Variants in TMEM132D observed in about 807,000 individuals in gnomAD.
The protein encoded by TMEM132D is mature OL transmembrane protein.
Under a neutral mutation model 62.3 loss-of-function variants are expected in TMEM132D, and 21 were observed. The observed-to-expected ratio is 0.34, with a 90% CI of 0.24 to 0.49. The LOEUF is 0.49. Ranked by LOEUF, TMEM132D falls within the 20% of genes least tolerant of loss-of-function variation. TMEM132D has a pLI of 0.99. For missense variants in TMEM132D, 1,346 were observed against 1,402.8 expected, an observed-to-expected ratio of 0.96 and a Z score of 0.65; for synonymous variants, 621 against 575.6, an observed-to-expected ratio of 1.08 and a Z score of -1.13.
chr12:129,192,618 G>A (rs1878436601), intron 5 of TMEM132D, among the ~76,000 whole-genome samples: 1 of 152,084 alleles, frequency 6.6e-6, no homozygotes, highest in Admixed American at 6.6e-5. Flanking sequence ...TTTTGCCATT[G>A]GTGTCTCTTC....
chr12:129,892,925 G>A (rs1874977485), intron 1 of TMEM132D, among the ~76,000 whole-genome samples: 1 of 152,092 alleles, frequency 6.6e-6, no homozygotes, highest in Admixed American at 6.5e-5. Flanking sequence ...CATCCAGGCT[G>A]GAGTGCTGTG....
chr12:129,084,544 C>A lies in TMEM132D; in HGVS notation c.1602G>T (p.Glu534Asp), dbSNP rs79067456. The A allele has an allele frequency of 6.5e-5, 105 of 1,612,708 alleles. No individual in the cohort carries two copies. In the East Asian group the frequency reaches 2.1e-3, roughly 32 times the overall value. ...LPLQIEVSDTELNQIKGWRVP... is the reference protein window; with the variant it reads ...LPLQIEVSDTDLNQIKGWRVP... ...CTCTCCAACCCTTGATCTGATTGAG[C>A]TCGGTGTCGGAGACCTCGATCTGCA... The change falls in exon 6 of 9, where the codon GAG (glutamate) becomes GAT (aspartate). Residue 534 changes from glutamate to aspartate, a missense_variant. Glu to Asp is a conservative substitution (Grantham distance 45). Coordinates refer to ENST00000422113, the MANE Select transcript of TMEM132D (RefSeq NM_133448.3).
chr12:129,659,067 A>AT (rs11383730), intron 2 of TMEM132D, among the ~76,000 whole-genome samples: 36,153 of 150,020 alleles, frequency 0.24, 4,656 homozygotes, highest in African/African-American at 0.33. Flanking sequence ...TACATGGCTA[A>AT]TTTTTTTTTT....
At chr12:129,817,730 G>A (rs939175549) in intron 1 of TMEM132D, among the ~76,000 whole-genome samples, 1 of 145,274 alleles carries the variant, frequency 6.9e-6, no homozygotes, top group African/African-American at 2.6e-5. Context: ...GGTGTGTGTG[G>A]TGTAAGGTGT....
intron 2 of TMEM132D, among the ~76,000 whole-genome samples, chr12:129,655,597 AGG>A (rs1271776071): frequency 1.3e-5 from 2 of 151,868 alleles, no homozygotes; most frequent in East Asian, 3.9e-4. Context: ...AGGGGAGTGC[AGG>A]GGACTCTGGG....
At chr12:129,367,711 C>T (rs1028622769) in intron 3 of TMEM132D, among the ~76,000 whole-genome samples, 5 of 152,050 alleles carry the variant, frequency 3.3e-5, no homozygotes, top group Non-Finnish European at 5.9e-5. Context: ...TGATGCCAGT[C>T]CCAGCCCTGG....
At chr12:129,094,398 A>C (rs1875031216) in intron 5 of TMEM132D, among the ~76,000 whole-genome samples, 1 of 152,264 alleles carries the variant, frequency 6.6e-6, no homozygotes. Context: ...TCTCAGAAGA[A>C]AACATTTATG....
chr12:129,608,838 C>T (rs188572802), intron 2 of TMEM132D, among the ~76,000 whole-genome samples: 127 of 152,290 alleles, frequency 8.3e-4, no homozygotes, highest in Admixed American at 3.3e-3. Context: ...AAAGTTCACT[C>T]GCACTCAAAT....
intron 5 of TMEM132D, among the ~76,000 whole-genome samples, chr12:129,140,243 C>CACAT (rs1555232286): frequency 6.6e-6 from 1 of 151,214 alleles, no homozygotes; most frequent in South Asian, 2.1e-4. Context: ...CACACACACA[C>CACAT]GGTAACTATG....
chr12:129,734,773 A>G (rs554431684), intron 1 of TMEM132D, among the ~76,000 whole-genome samples: 1 of 152,326 alleles, frequency 6.6e-6, no homozygotes, highest in Non-Finnish European at 1.5e-5. Context: ...AAAGTATTGG[A>G]GAAGGTGGTT....
At chr12:129,235,101 G>T (rs1879743517) in intron 4 of TMEM132D, among the ~76,000 whole-genome samples, 1 of 152,144 alleles carries the variant, frequency 6.6e-6, no homozygotes, top group Non-Finnish European at 1.5e-5. Flanking sequence ...CTACTATATT[G>T]AGTTTTTTCC....
intron 3 of TMEM132D, among the ~76,000 whole-genome samples, chr12:129,385,144 GAGTGCAGTAGT>G (rs1219626763): frequency 7.2e-6 from 1 of 139,602 alleles, no homozygotes; most frequent in East Asian, 2.0e-4. Flanking sequence ...ACCCAGGCTG[GAGTGCAGTAGT>G]AGTGCAGTGG....
chr12:129,153,745 C>T (rs1158481946), intron 5 of TMEM132D, among the ~76,000 whole-genome samples: 1 of 152,130 alleles, frequency 6.6e-6, no homozygotes, highest in East Asian at 1.9e-4. Context: ...CTCAGGTGTG[C>T]ATCAGTGACA....
intron 1 of TMEM132D, among the ~76,000 whole-genome samples, chr12:129,792,018 G>A (rs1290302300): frequency 6.6e-6 from 1 of 152,180 alleles, no homozygotes; most frequent in Non-Finnish European, 1.5e-5. Flanking sequence ...ACGTTGTGAG[G>A]GGGCAAAGCT....
intron 5 of TMEM132D, among the ~76,000 whole-genome samples, chr12:129,166,680 T>TACACACAC (rs1488503458): frequency 5.2e-5 from 4 of 76,298 alleles, no homozygotes; most frequent in East Asian, 7.2e-4. Flanking sequence ...AGGACATATA[T>TACACACAC]ATACACATAC....
At chr12:129,600,721 A>T (rs566639656) in intron 2 of TMEM132D, among the ~76,000 whole-genome samples, 1 of 152,228 alleles carries the variant, frequency 6.6e-6, no homozygotes, top group Non-Finnish European at 1.5e-5. Context: ...GTGAGCAGTA[A>T]CATTGTTAAA....
intron 1 of TMEM132D, among the ~76,000 whole-genome samples, chr12:129,894,590 A>G (rs1310385376): frequency 2.6e-5 from 4 of 152,232 alleles, no homozygotes; most frequent in Non-Finnish European, 4.4e-5. Flanking sequence ...GATGGTGTGG[A>G]GTCAGGATAA....
intron 4 of TMEM132D, among the ~76,000 whole-genome samples, chr12:129,242,078 C>T (rs1566008905): frequency 1.3e-5 from 2 of 152,214 alleles, no homozygotes; most frequent in Admixed American, 6.5e-5. Flanking sequence ...TCTAAGTATT[C>T]TCAAGGATCT....
intron 5 of TMEM132D, among the ~76,000 whole-genome samples, chr12:129,117,958 G>A (rs949012044): frequency 6.6e-5 from 10 of 152,164 alleles, no homozygotes; most frequent in East Asian, 1.9e-4. Flanking sequence ...GTGGTGACAC[G>A]TCAGCCCCTC....
Sources: gnomAD v4.1 joint callset for allele counts (sites outside exome capture counted in the v4.1 genomes callset) on GRCh38, gnomAD v4.1.1 for gene constraint, MANE v1.5 for transcripts, NCBI Gene and HGNC (gene_info 2026-07-23, HGNC 2026-07-21) for gene names.